FAM110B: variants seen among roughly 807,000 people sequenced by gnomAD.
FAM110B encodes family with sequence similarity 110 member B, also known as protein FAM110B.
Under a neutral mutation model 20.4 loss-of-function variants are expected in FAM110B, and 6 were observed. That is an observed-to-expected ratio of 0.29 (90% CI 0.16 to 0.58). The LOEUF (loss-of-function observed/expected upper bound fraction) is 0.58, where lower values mean the gene tolerates loss of function less well. Ranked by LOEUF, FAM110B falls within the 20% of genes least tolerant of loss-of-function variation. The probability of loss-of-function intolerance (pLI) is 0.90; values close to 1 mark genes in which losing one functional copy is unlikely to be tolerated. For missense variants in FAM110B, 434 were observed against 498.2 expected, an observed-to-expected ratio of 0.87 and a Z score of 1.23; for synonymous variants, 226 against 214.1, an observed-to-expected ratio of 1.06 and a Z score of -0.49.
At chr8:58,133,006 A>T (rs939783325) in intron 3 of FAM110B, among the ~76,000 whole-genome samples, 6 of 152,194 alleles carry the variant, frequency 3.9e-5, no homozygotes, top group Non-Finnish European at 7.3e-5. Flanking sequence ...ATTTTAACAT[A>T]AAAGCATGAT....
chr8:58,031,055 AT>A (rs1215039611), intron 1 of FAM110B, among the ~76,000 whole-genome samples: 9 of 152,212 alleles, frequency 5.9e-5, no homozygotes, highest in Non-Finnish European at 1.2e-4. Flanking sequence ...TCTGTCCTCA[AT>A]CCAGGAAAAA....
intron 3 of FAM110B, among the ~76,000 whole-genome samples, chr8:58,079,878 A>G (rs1346916073): frequency 6.6e-6 from 1 of 152,224 alleles, no homozygotes; most frequent in East Asian, 1.9e-4. Context: ...AGTGGCTGTT[A>G]TAATAGAAAT....
At chr8:58,122,206 G>A (rs1474915709) in intron 3 of FAM110B, among the ~76,000 whole-genome samples, 1 of 151,898 alleles carries the variant, frequency 6.6e-6, no homozygotes, top group Non-Finnish European at 1.5e-5. Context: ...CACCATTTTG[G>A]TTCCTGAATG....
At chr8:58,084,348 C>CT (rs906787175) in intron 3 of FAM110B, among the ~76,000 whole-genome samples, 19 of 150,804 alleles carry the variant, frequency 1.3e-4, no homozygotes, top group African/African-American at 4.4e-4. Flanking sequence ...ATAAAATTCT[C>CT]TATGTTTTCC....
At chr8:58,143,739 G>A (rs1454613617) in intron 3 of FAM110B, among the ~76,000 whole-genome samples, 2 of 152,194 alleles carry the variant, frequency 1.3e-5, no homozygotes, top group Admixed American at 6.5e-5. Context: ...TAACAGACAC[G>A]CAGGTGTGCA....
At chr8:58,104,294 A>G (rs1196914948) in intron 3 of FAM110B, among the ~76,000 whole-genome samples, 1 of 152,216 alleles carries the variant, frequency 6.6e-6, no homozygotes, top group Non-Finnish European at 1.5e-5. Flanking sequence ...GAAATCTAAT[A>G]AAGAGGTTTG....
chr8:58,082,878 A>G (rs1449912681), intron 3 of FAM110B, among the ~76,000 whole-genome samples: 2 of 148,320 alleles, frequency 1.3e-5, no homozygotes, highest in Non-Finnish European at 3.0e-5. Context: ...GCATGGTTGC[A>G]CACACCTGTG....
At chr8:58,102,505 C>A (rs189258384) in intron 3 of FAM110B, among the ~76,000 whole-genome samples, 3 of 152,086 alleles carry the variant, frequency 2.0e-5, no homozygotes, top group Non-Finnish European at 2.9e-5. Flanking sequence ...AGTGAACTAG[C>A]GTAGATCAGA....
At chr8:58,014,812 T>TGTG (rs1554569601) in intron 1 of FAM110B, among the ~76,000 whole-genome samples, 62 of 152,112 alleles carry the variant, frequency 4.1e-4, no homozygotes, top group African/African-American at 1.4e-3. Flanking sequence ...GCAAACCTAT[T>TGTG]ATCTTTATTT....
intron 2 of FAM110B, among the ~76,000 whole-genome samples, chr8:58,074,555 T>C (rs1805985673): frequency 1.3e-5 from 2 of 152,238 alleles, no homozygotes; most frequent in South Asian, 4.1e-4. Context: ...TTTATTTCTT[T>C]AGTTTCCCCT....
chr8:58,139,551 C>T (rs1336486058), intron 3 of FAM110B, among the ~76,000 whole-genome samples: 1 of 152,132 alleles, frequency 6.6e-6, no homozygotes, highest in Non-Finnish European at 1.5e-5. Context: ...TTCTCCCTTA[C>T]TTTTGCATTC....
intron 3 of FAM110B, among the ~76,000 whole-genome samples, chr8:58,133,138 G>A (rs1290905688): frequency 6.6e-6 from 1 of 151,420 alleles, no homozygotes; most frequent in Non-Finnish European, 1.5e-5. Flanking sequence ...GTATTGATCA[G>A]ATTACTTTTA....
At chr8:58,058,607 T>C (rs554698537) in intron 2 of FAM110B, among the ~76,000 whole-genome samples, 2 of 152,172 alleles carry the variant, frequency 1.3e-5, no homozygotes, top group South Asian at 4.1e-4. Context: ...CAATATGACA[T>C]TGAAATACAT....
At chr8:58,022,883 G>A (rs1241625751) in intron 1 of FAM110B, among the ~76,000 whole-genome samples, 1 of 152,152 alleles carries the variant, frequency 6.6e-6, no homozygotes, top group Non-Finnish European at 1.5e-5. Flanking sequence ...TCTCTCCAGG[G>A]GCAGAAAAAC....
At chr8:58,099,802 G>A (rs975010884) in intron 3 of FAM110B, among the ~76,000 whole-genome samples, 1 of 151,996 alleles carries the variant, frequency 6.6e-6, no homozygotes, top group African/African-American at 2.4e-5. Context: ...TTCTTAATGT[G>A]CATTTTCTAC....
chr8:58,105,793 A>G (rs1806896988), intron 3 of FAM110B, among the ~76,000 whole-genome samples: 1 of 151,396 alleles, frequency 6.6e-6, no homozygotes, highest in South Asian at 2.1e-4. Flanking sequence ...GATGCTCTCA[A>G]TCTCCTGACC....
chr8:58,099,762 A>G (rs780143574), intron 3 of FAM110B, among the ~76,000 whole-genome samples: 1 of 150,756 alleles, frequency 6.6e-6, no homozygotes, highest in Non-Finnish European at 1.5e-5. Context: ...GATCTCACCT[A>G]TGTCTTTTTT....
chr8:58,124,057 G>A (rs1807432407), intron 3 of FAM110B, among the ~76,000 whole-genome samples: 1 of 152,024 alleles, frequency 6.6e-6, no homozygotes, highest in African/African-American at 2.4e-5. Context: ...CCTTTTATTT[G>A]TTTCTGTTTC....
In FAM110B at chr8:58,044,103, T is replaced by A. The variant is rs144464779; in HGVS notation, c.-414+12400T>A. ...GGGCTTAGATATGTTTTGGGGGGCT[T>A]GAATAAAGCACCTCATCTGTGCTAC... is the stretch of plus-strand genomic sequence containing the variant. On this transcript the variant is annotated intron_variant, in intron 2 of 3. Coordinates refer to ENST00000519262, the MANE Select transcript of FAM110B (RefSeq NM_001377989.1). 2.0e-5 allele frequency among the ~76,000 whole-genome samples: 3 copies of A among 152,358 alleles called. No homozygotes were observed. In the East Asian group the frequency reaches 5.8e-4, roughly 29 times the overall value.
Sources: gnomAD v4.1 joint callset for allele counts (sites outside exome capture counted in the v4.1 genomes callset) on GRCh38, gnomAD v4.1.1 for gene constraint, MANE v1.5 for transcripts, NCBI Gene and HGNC (gene_info 2026-07-23, HGNC 2026-07-21) for gene names.